The following TCF12 variants were observed in gnomAD, a reference collection of about 807,000 sequenced individuals.
The protein encoded by TCF12 is transcription factor 12.
A neutral mutation model predicts 86.0 loss-of-function variants in TCF12; 45 were observed. That is an observed-to-expected ratio of 0.52 (90% CI 0.41 to 0.67). The LOEUF (loss-of-function observed/expected upper bound fraction) is 0.67, where lower values mean the gene tolerates loss of function less well. Among genes scored for constraint, TCF12 ranks in the 30% least tolerant of loss-of-function variants. The pLI is 0.00. For synonymous variants in TCF12, 330 were observed against 299.6 expected, an observed-to-expected ratio of 1.10 and a Z score of -1.05; for missense variants, 881 against 859.9, an observed-to-expected ratio of 1.02 and a Z score of -0.31.
At chr15:56,968,994 C>T (rs2062150371) in intron 3 of TCF12, among the ~76,000 whole-genome samples, 1 of 152,162 alleles carries the variant, frequency 6.6e-6, no homozygotes, top group South Asian at 2.1e-4. Flanking sequence ...TTTAGTCTGG[C>T]TCAGTTAATC....
intron 18 of TCF12, among the ~76,000 whole-genome samples, chr15:57,264,598 G>A (rs2060760723): frequency 6.6e-6 from 1 of 152,070 alleles, no homozygotes. Context: ...AAACACACAT[G>A]TTAGCCTAGG....
chr15:57,136,965 T>TTG (rs1567495516), intron 5 of TCF12, among the ~76,000 whole-genome samples: 29 of 17,766 alleles, frequency 1.6e-3, no homozygotes, highest in African/African-American at 8.6e-3. Context: ...GCAGTTTTTT[T>TTG]TTTTGTTTTT....
intron 19 of TCF12, 138 bp from the exon 20 acceptor site, chr15:57,282,307 T>G (rs531625886): frequency 1.0e-6 from 1 of 980,464 alleles, no homozygotes; most frequent in East Asian, 2.5e-5. Context: ...TGAGGTTTTA[T>G]GTGAGCACAT....
rs550227691 is a variant in TCF12, at chr15:57,101,315, C to A, written c.325+9424C>A. On this transcript the variant is annotated intron_variant, in intron 5 of 20. Transcript: ENST00000333725. The stretch of plus-strand genomic sequence containing the variant: ...CAACTTCCCAGGCTCCAGTGATCCT[C>A]CCACTCAGCCTCCCAAGTAGCTAGG... Among the ~76,000 whole-genome samples, 281 of 152,222 alleles carry A rather than the reference C, an allele frequency of 1.8e-3. 1 individual carries two copies. The highest frequency in any genetic ancestry group is 6.5e-3 in the African/African-American group (271 of 41,530).
intron 3 of TCF12, among the ~76,000 whole-genome samples, chr15:56,972,061 T>A (rs1338122608): frequency 1.3e-5 from 2 of 152,186 alleles, no homozygotes; most frequent in Admixed American, 1.3e-4. Flanking sequence ...AATAGGTGAA[T>A]TATAGGGTAT....
At chr15:57,276,309 A>G (rs1222383804) in intron 19 of TCF12, among the ~76,000 whole-genome samples, 2 of 152,208 alleles carry the variant, frequency 1.3e-5, no homozygotes, top group Admixed American at 6.5e-5. Flanking sequence ...TGGTGCAATG[A>G]GATGGTTAAA....
At chr15:57,282,144 C>G (rs2061718991) in intron 19 of TCF12, 1 of 392,198 alleles carries the variant, frequency 2.5e-6, no homozygotes, top group Admixed American at 4.3e-5. Context: ...ACTTGGTAGC[C>G]TAATAACAAC....
intron 3 of TCF12, among the ~76,000 whole-genome samples, chr15:56,953,023 C>T (rs902411605): frequency 6.6e-6 from 1 of 151,902 alleles, no homozygotes; most frequent in African/African-American, 2.4e-5. Flanking sequence ...AGGGAGTTTC[C>T]TTCTATTCCT....
At chr15:57,195,535 C>G (rs1218941804) in intron 7 of TCF12, among the ~76,000 whole-genome samples, 1 of 152,188 alleles carries the variant, frequency 6.6e-6, no homozygotes. Context: ...TGTTGTTCAT[C>G]TTTGGCACTT....
intron 5 of TCF12, among the ~76,000 whole-genome samples, chr15:57,099,151 C>T (rs1006919046): frequency 4.6e-5 from 7 of 152,112 alleles, no homozygotes; most frequent in African/African-American, 7.2e-5. Context: ...TTTCCATGCC[C>T]CTGCCCTGCC....
chr15:56,975,515 A>C (rs1567191526), intron 3 of TCF12, among the ~76,000 whole-genome samples: 2 of 152,300 alleles, frequency 1.3e-5, no homozygotes, highest in South Asian at 4.1e-4. Flanking sequence ...AATTATTAGA[A>C]TCTCATTATT....
Position 57,072,661 on chromosome 15 carries a change from C to T in TCF12, c.222+8838C>T, listed in dbSNP as rs770706890. ...ATGCCTCTTGATCTCAGGTACAATA[C>T]ACGAGATGAAGCAGTTAAATAGCAA... On this transcript the variant is annotated intron_variant, in intron 4 of 20. Transcript: ENST00000333725. 5 of 1,305,126 alleles carry T rather than the reference C, an allele frequency of 3.8e-6. No individual in the cohort carries two copies. The South Asian group carries it at 5.0e-5, about 13-fold the overall frequency. The allele number at this position is 1,305,126 out of a possible 1,614,324, so 80.8% of individuals were successfully genotyped here.
chr15:57,192,296 G>A lies in TCF12; in HGVS notation c.526+3G>A, dbSNP rs1267176452. 6.2e-7 allele frequency: 1 copy of A among 1,613,722 alleles called. No individual in the cohort carries two copies. The highest frequency in any genetic ancestry group is 8.5e-7 in the Non-Finnish European group (1 of 1,179,876). On this transcript the variant is annotated splice_donor_region_variant and intron_variant, in intron 7 of 20. Coordinates refer to ENST00000333725, the MANE Select transcript of TCF12 (RefSeq NM_207037.2). The stretch of plus-strand genomic sequence containing the variant: ...ACTCCATGACTCTGCAGCGCTTGGT[G>A]AGTGTATCACACAACAAATCCCATC...
intron 5 of TCF12, among the ~76,000 whole-genome samples, chr15:57,110,132 GTATAA>G (rs1358216684): frequency 2.0e-5 from 3 of 152,224 alleles, no homozygotes; most frequent in African/African-American, 7.2e-5. Context: ...GCATAACAAT[GTATAA>G]TATATCTGAT....
At chr15:57,101,852 G>A (rs11855648) in intron 5 of TCF12, among the ~76,000 whole-genome samples, 53,847 of 151,984 alleles carry the variant, frequency 0.35, 11,893 homozygotes, top group Non-Finnish European at 0.49. Flanking sequence ...CCACTTCACA[G>A]CAAATTAAAT....
At chr15:56,956,343 G>A (rs2061503559) in intron 3 of TCF12, among the ~76,000 whole-genome samples, 1 of 150,850 alleles carries the variant, frequency 6.6e-6, no homozygotes. Context: ...ATTCTGTTTT[G>A]TCATCTTTAT....
At chr15:57,255,481 T>TTTTG (rs2060305487) in intron 16 of TCF12, among the ~76,000 whole-genome samples, 1 of 152,098 alleles carries the variant, frequency 6.6e-6, no homozygotes, top group Non-Finnish European at 1.5e-5. Context: ...TGTTGTTGTT[T>TTTTG]TTTGTTTTGT....
At chr15:57,149,775 CT>C (rs1312601556) in intron 5 of TCF12, among the ~76,000 whole-genome samples, 5 of 152,048 alleles carry the variant, frequency 3.3e-5, no homozygotes, top group African/African-American at 1.2e-4. Flanking sequence ...TCTAAGCAGT[CT>C]TTGTTTGTTG....
intron 2 of TCF12, among the ~76,000 whole-genome samples, chr15:56,920,337 GT>G (rs1473165883): frequency 2.0e-5 from 3 of 151,984 alleles, no homozygotes; most frequent in African/African-American, 4.8e-5. Flanking sequence ...AAAAAGTGTT[GT>G]TTTTTTCTTC....
Sources: allele counts gnomAD v4.1 joint callset (sites outside exome capture counted in the v4.1 genomes callset), GRCh38; gene constraint gnomAD v4.1.1; transcripts MANE v1.5; gene names NCBI Gene and HGNC (gene_info 2026-07-23, HGNC 2026-07-21).